VARS2: variants seen among roughly 807,000 people sequenced by gnomAD.
VARS2 encodes valyl-tRNA synthetase 2, mitochondrial.
VARS2 carries 105 observed loss-of-function variants against 154.1 expected under a neutral mutation model. The ratio of observed to expected loss-of-function variants is 0.68; its 90% CI spans 0.58 to 0.80. The LOEUF is 0.80. Among genes scored for constraint, VARS2 ranks in the 30% least tolerant of loss-of-function variants. The pLI, the probability that VARS2 is intolerant of heterozygous loss-of-function variation, is 0.00. For synonymous variants in VARS2, 483 were observed against 539.5 expected, an observed-to-expected ratio of 0.90 and a Z score of 1.45; for missense variants, 1,157 against 1,361.4, an observed-to-expected ratio of 0.85 and a Z score of 2.36.
In VARS2 at chr6:30,922,990, A is replaced by G; in HGVS notation, c.2185+14A>G. 1 of 1,606,730 alleles carries G rather than the reference A, an allele frequency of 6.2e-7. No individual in the cohort carries two copies. The highest frequency in any genetic ancestry group is 8.5e-7 in the Non-Finnish European group (1 of 1,175,706). On this transcript the variant is annotated intron_variant, in intron 23 of 29. Coordinates refer to ENST00000676266, the MANE Select transcript of VARS2 (RefSeq NM_020442.6). ...ATGGAGTTCAGGGTAAGCCTGGGCG[A>G]GGGGTGTCGGGGTGAGCAGAGGGCA...
In VARS2 at chr6:30,917,873, G is replaced by A. The variant is rs569792542; in HGVS notation, c.985+67G>A. 16 of 1,471,592 alleles carry A rather than the reference G, an allele frequency of 1.1e-5. No homozygotes were observed. The East Asian group carries it at 3.0e-4, about 27-fold the overall frequency. The allele number at this position is 1,471,592 out of a possible 1,614,324, so 91.2% of individuals were successfully genotyped here. ...TTTCCTGTTTTCTGAAGCCCATGTT[G>A]GGCTGCTAGGAACCCATCAGTCCAT... On this transcript the variant is annotated intron_variant, in intron 10 of 29. Transcript: ENST00000676266. The surrounding 1 kb of genome is among the most constrained non-coding windows in gnomAD (Gnocchi z 4.4).
At chr6:30,926,060 C>T in intron 29 of VARS2, 49 bp from the exon 30 acceptor site, 1 of 1,612,956 alleles carries the variant, frequency 6.2e-7, no homozygotes, top group Non-Finnish European at 8.5e-7. Context: ...GAATGTGGGC[C>T]AGGAGGGGCC....
At chr6:30,925,232 C>T in intron 26 of VARS2, 42 bp from the exon 27 acceptor site, 1 of 1,529,344 alleles carries the variant, frequency 6.5e-7, no homozygotes. Flanking sequence ...ACTGAGTCTC[C>T]CAGGAGCCCC....
intron 27 of VARS2, 43 bp from the exon 28 acceptor site, chr6:30,925,501 G>T: frequency 1.9e-6 from 3 of 1,556,880 alleles, no homozygotes; most frequent in Non-Finnish European, 2.6e-6. Context: ...AGGAAGGGAG[G>T]CAGGAGCTGA....
Position 30,920,971 on chromosome 6 carries a change from A to G in VARS2, c.1480-94A>G. On this transcript the variant is annotated intron_variant, in intron 15 of 29. Transcript: ENST00000676266. This position sits in a 1 kb window ranked among gnomAD's most constrained non-coding sequence, Gnocchi z 4.6. ...CAAGAGGCTTGGGAGGTCCTTTCTG[A>G]GTTTTAAAATGACCTCAGAGGCCAC... The G allele has an allele frequency of 3.7e-6, 5 of 1,366,236 alleles. No homozygotes were observed. Among genetic ancestry groups the G allele is most frequent in the Non-Finnish European group, 4.9e-6 (5 of 1,012,400 alleles). The allele number at this position is 1,366,236 out of a possible 1,614,324, so 84.6% of individuals were successfully genotyped here. A position where few individuals can be genotyped will look rare whatever the true frequency, so the allele number is the denominator to read the frequency against.
At position 30,917,551 on chromosome 6, in the gene VARS2, A is replaced by G; in HGVS notation, c.874-144A>G. ...GACTGCACGAGCATTGGGTGAGGGCAGAGGGAGGTAGCTCCCGAATCCTCC... is the reference window on the plus strand; with the variant it reads ...GACTGCACGAGCATTGGGTGAGGGCGGAGGGAGGTAGCTCCCGAATCCTCC... On this transcript the variant is annotated intron_variant, in intron 9 of 29. Coordinates refer to ENST00000676266, the MANE Select transcript of VARS2 (RefSeq NM_020442.6). The surrounding 1 kb of genome is among the most constrained non-coding windows in gnomAD (Gnocchi z 4.4). 2.6e-6 allele frequency: 2 copies of G among 781,720 alleles called. No individual in the cohort carries two copies. The highest frequency in any genetic ancestry group is 4.0e-6 in the Non-Finnish European group (2 of 496,280). 48.4% of individuals were successfully genotyped at this position (781,720 alleles called of 1,614,324 possible).
At position 30,921,187 on chromosome 6, in the gene VARS2, A is replaced by G; in HGVS notation, c.1557-43A>G. On this transcript the variant is annotated intron_variant, in intron 16 of 29. Coordinates refer to ENST00000676266, the MANE Select transcript of VARS2 (RefSeq NM_020442.6). The surrounding 1 kb of genome is among the most constrained non-coding windows in gnomAD (Gnocchi z 4.6). ...GCTCTTGTGGAGATGGGGAGGGGGG[A>G]CTGACTGGTTATTCTAAGACTTCAC... The G allele has an allele frequency of 6.2e-7, 1 of 1,612,822 alleles. No homozygotes were observed. Among genetic ancestry groups the G allele is most frequent in the Non-Finnish European group, 8.5e-7 (1 of 1,179,440 alleles).
Position 30,920,050 on chromosome 6 carries a change from A to C in VARS2, c.1166-39A>C. On this transcript the variant is annotated intron_variant, in intron 12 of 29. Coordinates refer to ENST00000676266, the MANE Select transcript of VARS2 (RefSeq NM_020442.6). The surrounding 1 kb of genome is among the most constrained non-coding windows in gnomAD (Gnocchi z 4.6). ...GATACATCTGGAAAAGCAAAAGCCA[A>C]GGTCAGGTTCAGTACTCACCATGGC... 1 of 1,427,830 alleles carries C rather than the reference A, an allele frequency of 7.0e-7. No homozygotes were observed. Among genetic ancestry groups the C allele is most frequent in the Non-Finnish European group, 9.3e-7 (1 of 1,076,842 alleles). The allele number at this position is 1,427,830 out of a possible 1,614,324, so 88.4% of individuals were successfully genotyped here.
chr6:30,914,297 C>T lies in VARS2; in HGVS notation c.-75C>T, dbSNP rs1048943510. On this transcript the variant is annotated 5_prime_UTR_variant, in exon 1 of 30. Coordinates refer to ENST00000676266, the MANE Select transcript of VARS2 (RefSeq NM_020442.6). ...CCAGGGTCGGGTTTGGTGGATTCCT[C>T]AGTCCCTGCCGCCGCGGGGCGCCCT... 1 of 1,067,188 alleles carries T rather than the reference C, an allele frequency of 9.4e-7. No homozygotes were observed. The allele number at this position is 1,067,188 out of a possible 1,614,324, so 66.1% of individuals were successfully genotyped here. A position where few individuals can be genotyped will look rare whatever the true frequency, so the allele number is the denominator to read the frequency against.
intron 11 of VARS2, 33 bp downstream of exon 11, chr6:30,918,948 G>A (rs1031728227): frequency 3.2e-5 from 51 of 1,586,822 alleles, no homozygotes; most frequent in Non-Finnish European, 3.6e-5. Context: ...ACTCTGGCCC[G>A]CCCCGCCAAT....
chr6:30,918,372 G>A (rs368164463), intron 10 of VARS2, among the ~76,000 whole-genome samples: 37 of 152,316 alleles, frequency 2.4e-4, no homozygotes, highest in East Asian at 1.2e-3. Context: ...GGCCTCTAAG[G>A]TGTGGTTTTT....
Position 30,922,241 on chromosome 6 carries a change from G to T in VARS2, c.1932G>T (p.Lys644Asn), listed in dbSNP as rs748766651. 1 of 1,610,660 alleles carries T rather than the reference G, an allele frequency of 6.2e-7. No homozygotes were observed. Reference protein sequence around the residue: ...TQLTGQLPFSKVLLHPMVRDR... With the variant: ...TQLTGQLPFSNVLLHPMVRDR... The stretch of plus-strand genomic sequence containing the variant: ...TCACAGGGCAGCTGCCCTTCAGCAA[G>T]GTAAGAGCCCTTCAGTGCCCTGCCG... Residue 644 changes from lysine (K) to asparagine (N), a missense_variant and splice_region_variant, in exon 20 of 30, where the codon AAG becomes AAT. Lys to Asn is a moderately conservative substitution (Grantham distance 94, BLOSUM62 0). Transcript: ENST00000676266.
At position 30,918,922 on chromosome 6, in the gene VARS2, C is replaced by G. The variant is rs1223930675; in HGVS notation, c.1074+7C>G. On this transcript the variant is annotated splice_region_variant and intron_variant, in intron 11 of 29. Coordinates refer to ENST00000676266, the MANE Select transcript of VARS2 (RefSeq NM_020442.6). ...AGACGACTCGCGATACACAGTAATA[C>G]CCAGTGCGCTCCTGCACTCTGGCCC... The G allele has an allele frequency of 1.1e-5, 18 of 1,612,124 alleles. No individual in the cohort carries two copies. Among genetic ancestry groups the G allele is most frequent in the Non-Finnish European group, 1.5e-5 (18 of 1,179,728 alleles).
At chr6:30,924,989 T>C (rs367758336) in intron 26 of VARS2, among the ~76,000 whole-genome samples, 1 of 152,236 alleles carries the variant, frequency 6.6e-6, no homozygotes, top group South Asian at 2.1e-4. Flanking sequence ...TTTATACTTA[T>C]TTGGTTTTGA....
Position 30,923,127 on chromosome 6 carries a change from T to C in VARS2, c.2209T>C (p.Ser737Pro). 6.2e-7 allele frequency: 1 copy of C among 1,613,102 alleles called. No homozygotes were observed. The highest frequency in any genetic ancestry group is 8.5e-7 in the Non-Finnish European group (1 of 1,180,034). The change falls in exon 24 of 30, where the codon TCT (serine) becomes CCT (proline). Residue 737 changes from serine (S) to proline (P), a missense_variant. Physicochemically the swap from Ser to Pro is moderately conservative, Grantham distance 74. Transcript: ENST00000676266. The stretch of plus-strand genomic sequence containing the variant: ...AGCGGGCGACTTGCACCTGTCAGTC[T>C]CTGAGGTCCAGAGCTGCCGACATTT... ...VQAGDLHLSV[S>P]EVQSCRHFCN... is the part of the protein sequence containing the mutation.
At chr6:30,915,566 C>A in intron 4 of VARS2, 111 bp downstream of exon 4, 2 of 1,432,266 alleles carry the variant, frequency 1.4e-6, no homozygotes, top group Non-Finnish European at 9.5e-7. Context: ...TTCTTTCTGG[C>A]TCTGGTGTCT....
chr6:30,920,253 T>G lies in VARS2; in HGVS notation c.1293+37T>G. 1 of 1,560,914 alleles carries G rather than the reference T, an allele frequency of 6.4e-7. No individual in the cohort carries two copies. Among genetic ancestry groups the G allele is most frequent in the South Asian group, 1.2e-5 (1 of 81,760 alleles). On this transcript the variant is annotated intron_variant, in intron 13 of 29. Transcript: ENST00000676266. This position sits in a 1 kb window ranked among gnomAD's most constrained non-coding sequence, Gnocchi z 4.6. ...CTATGTTACCCCATCCTTTGGGGGC[T>G]CTCTGTCCCCCTAATCCTCCTCCTA...
At position 30,916,814 on chromosome 6, in the gene VARS2, G is replaced by T; in HGVS notation, c.672-64G>T. 1.3e-6 allele frequency: 2 copies of T among 1,552,090 alleles called. No homozygotes were observed. The highest frequency in any genetic ancestry group is 1.8e-6 in the Non-Finnish European group (2 of 1,124,008). ...AACACCTGGCATTGCTGGGGGCATC[G>T]CTGGGCCTGGTACATAGGAAGTGCT... On this transcript the variant is annotated intron_variant, in intron 7 of 29. Coordinates refer to ENST00000676266, the MANE Select transcript of VARS2 (RefSeq NM_020442.6). This position sits in a 1 kb window ranked among gnomAD's most constrained non-coding sequence, Gnocchi z 4.0.
rs1435047139 is a variant in VARS2, at chr6:30,923,374, G to A, written c.2335G>A (p.Asp779Asn). Residue 779 changes from aspartate to asparagine, a missense_variant, in exon 25 of 30, where the codon GAT (aspartate) becomes AAT (asparagine). By Grantham distance (23) the Asp-to-Asn change is conservative (BLOSUM62 1). Transcript: ENST00000676266. The part of the protein sequence containing the change: ...AEELSPSSPM[D>N]AWILSRLALA... The stretch of plus-strand genomic sequence containing the variant: ...GCAGCTGTCTCCCTCCTCCCCGATG[G>A]ATGCCTGGATCCTGAGCCGCCTTGC... 1.2e-6 allele frequency: 2 copies of A among 1,611,112 alleles called. No individual in the cohort carries two copies. The highest frequency in any genetic ancestry group is 1.7e-6 in the Non-Finnish European group (2 of 1,179,120).
Sources: gnomAD v4.1 joint callset for allele counts (sites outside exome capture counted in the v4.1 genomes callset) on GRCh38, gnomAD v4.1.1 for gene constraint, Gnocchi (gnomAD v3.1) non-coding constraint, MANE v1.5 for transcripts, NCBI Gene and HGNC (gene_info 2026-07-23, HGNC 2026-07-21) for gene names.